GCSAML: variants seen among roughly 807,000 people sequenced by gnomAD.
GCSAML encodes the protein germinal center-associated signaling and motility-like protein.
Under a neutral mutation model 13.0 loss-of-function variants are expected in GCSAML, and 9 were observed. The observed-to-expected ratio is 0.69, with a 90% CI of 0.42 to 1.21. The LOEUF (loss-of-function observed/expected upper bound fraction) is 1.21. Ranked by LOEUF, GCSAML falls within the 50% of genes most tolerant of loss-of-function variation. GCSAML has a pLI of 0.00. For synonymous variants in GCSAML, 37 were observed against 52.9 expected (o/e 0.70, Z 1.31); for missense variants, 143 against 153.4 (o/e 0.93, Z 0.36).
intron 2 of GCSAML, chr1:247,531,973 C>T: frequency 6.2e-7 from 1 of 1,614,108 alleles, no homozygotes; most frequent in South Asian, 1.1e-5. Context: ...GGGCATCTCG[C>T]AAAAGAAGTG....
At position 247,573,919 on chromosome 1, in the gene GCSAML, G is replaced by T. The variant is rs147141016; in HGVS notation, c.169-224G>T. 8.3e-3 allele frequency among the ~76,000 whole-genome samples: 1,266 copies of T among 152,162 alleles called. 10 individuals are homozygous for T. The highest frequency in any genetic ancestry group is 0.015 in the Admixed American group (234 of 15,284). On this transcript the variant is annotated intron_variant, in intron 4 of 4. Transcript: ENST00000366488. Reference sequence around the variant, plus strand: ...AGGTCCTTCACTTCCCTTGTAAGTTGCATTCCTAGGTATTTTATTCTCTTT... The same window carrying T: ...AGGTCCTTCACTTCCCTTGTAAGTTTCATTCCTAGGTATTTTATTCTCTTT...
At chr1:247,545,018 A>G (rs1010055917), upstream of GCSAML, among the ~76,000 whole-genome samples, 9 of 152,252 alleles carry the variant, frequency 5.9e-5, no homozygotes, top group Non-Finnish European at 1.3e-4. Flanking sequence ...AAGCAATGAC[A>G]TTGAAAACAT....
rs1367916840 is a variant in GCSAML, at chr1:247,527,609, G to GC, written c.-148+556dup. On this transcript the variant is annotated intron_variant, in intron 2 of 5. Transcript: ENST00000366489. The surrounding 1 kb of genome is among the most constrained non-coding windows in gnomAD (Gnocchi z 4.6). Reference sequence around the variant, plus strand: ...AATGTTTGAAAATTTTTTTATTTTAGCTTTTAGTGGACATATAATAATTGA... The same window carrying GC: ...AATGTTTGAAAATTTTTTTATTTTAGCCTTTTAGTGGACATATAATAATTGA... The GC allele has an allele frequency of 6.6e-6, 1 of 152,376 alleles. No individual in the cohort carries two copies. Among genetic ancestry groups the GC allele is most frequent in the Non-Finnish European group, 1.5e-5 (1 of 68,230 alleles). The allele number at this position is 152,376 out of a possible 1,614,324, so 9.4% of individuals were successfully genotyped here.
chr1:247,515,157 T>C (rs912763141), intron 1 of GCSAML, among the ~76,000 whole-genome samples: 5 of 152,180 alleles, frequency 3.3e-5, no homozygotes, highest in African/African-American at 9.7e-5. Context: ...CATTTGACCA[T>C]CATAGAACTA....
intron 2 of GCSAML, chr1:247,533,539 C>T (rs965212291): frequency 6.6e-6 from 1 of 152,172 alleles, no homozygotes; most frequent in Non-Finnish European, 1.5e-5. Flanking sequence ...GACCTCCATT[C>T]CAGAGAGGTC....
intron 2 of GCSAML, among the ~76,000 whole-genome samples, chr1:247,557,910 T>C (rs538451126): frequency 1.3e-5 from 2 of 152,364 alleles, no homozygotes; most frequent in Admixed American, 6.5e-5. Flanking sequence ...GCATTTAACT[T>C]ACGCATAAAC....
chr1:247,560,388 A>C (rs760063006), intron 2 of GCSAML, among the ~76,000 whole-genome samples: 11 of 152,094 alleles, frequency 7.2e-5, no homozygotes, highest in Non-Finnish European at 1.3e-4. Context: ...AGAGTAATAC[A>C]GTTCTTGGAT....
At chr1:247,510,436 T>C (rs1665993877) in intron 1 of GCSAML, among the ~76,000 whole-genome samples, 1 of 152,168 alleles carries the variant, frequency 6.6e-6, no homozygotes. Context: ...ATCTGTTTTG[T>C]TAATCTTTTC....
rs374074268 is a variant in GCSAML, at chr1:247,531,904, G to C, written c.-148+4850G>C. The C allele has an allele frequency of 6.6e-5, 106 of 1,614,060 alleles. No homozygotes were observed. Among genetic ancestry groups the C allele is most frequent in the Non-Finnish European group, 8.8e-5 (104 of 1,180,036 alleles). ...AGGCAGGACAACAAAGACAAAGCTG[G>C]CCAGGTACATCTCCATCTCATTGAG... On this transcript the variant is annotated intron_variant, in intron 2 of 5. Transcript: ENST00000366489.
chr1:247,551,133 G>A (rs967243734), intron 1 of GCSAML, among the ~76,000 whole-genome samples: 2 of 152,184 alleles, frequency 1.3e-5, no homozygotes, highest in African/African-American at 4.8e-5. Flanking sequence ...AGGTGCTAAT[G>A]TGTTCTAGGC....
intron 2 of GCSAML, chr1:247,532,430 G>A: frequency 1.2e-6 from 2 of 1,614,014 alleles, no homozygotes; most frequent in Non-Finnish European, 1.7e-6. Flanking sequence ...ACTATGAAGA[G>A]GACAGTTTCT....
intron 4 of GCSAML, among the ~76,000 whole-genome samples, chr1:247,572,234 G>T (rs991779152): frequency 1.3e-5 from 2 of 152,172 alleles, no homozygotes; most frequent in Non-Finnish European, 1.5e-5. Flanking sequence ...GTCCAGTTTT[G>T]TTCCCTTGCT....
chr1:247,526,842 T>C lies in GCSAML; in HGVS notation c.-262-98T>C. ...ATCGAAAGACAAGTGGTGTCCAATA[T>C]GGCATGTTAGCATTTTCCTCTTCAT... On this transcript the variant is annotated intron_variant, in intron 1 of 5. Transcript: ENST00000366489. This position sits in a 1 kb window ranked among gnomAD's most constrained non-coding sequence, Gnocchi z 4.8. 2 of 394,552 alleles carry C rather than the reference T, an allele frequency of 5.1e-6. No individual in the cohort carries two copies. The allele number at this position is 394,552 out of a possible 1,614,324, so 24.4% of individuals were successfully genotyped here. A position where few individuals can be genotyped will look rare whatever the true frequency, so the allele number is the denominator to read the frequency against.
chr1:247,525,846 T>G (rs926178576), intron 1 of GCSAML: 1 of 152,242 alleles, frequency 6.6e-6, no homozygotes, highest in Non-Finnish European at 1.5e-5. Context: ...TGAAGCTACG[T>G]AGGGACTACT....
intron 3 of GCSAML, chr1:247,565,723 C>T: frequency 1.9e-6 from 1 of 526,620 alleles, no homozygotes; most frequent in East Asian, 3.4e-5. Context: ...TATCTCAGAA[C>T]ACATGTTCTT....
At chr1:247,555,527 C>T (rs1667918096) in intron 1 of GCSAML, among the ~76,000 whole-genome samples, 1 of 152,158 alleles carries the variant, frequency 6.6e-6, no homozygotes, top group South Asian at 2.1e-4. Flanking sequence ...TGATATCTAG[C>T]AATGTTTCTT....
chr1:247,532,660 C>T, intron 2 of GCSAML: 3 of 746,298 alleles, frequency 4.0e-6, no homozygotes, highest in Non-Finnish European at 4.2e-6. Flanking sequence ...CACAATTTCA[C>T]TGTGTTGCCC....
intron 1 of GCSAML, among the ~76,000 whole-genome samples, chr1:247,549,446 T>C (rs982799775): frequency 1.3e-5 from 2 of 152,178 alleles, no homozygotes; most frequent in Admixed American, 6.5e-5. Context: ...TACTGGATGC[T>C]AAGTCACATT....
intron 4 of GCSAML, among the ~76,000 whole-genome samples, chr1:247,566,975 A>G (rs2103065753): frequency 6.6e-6 from 1 of 151,932 alleles, no homozygotes; most frequent in South Asian, 2.1e-4. Context: ...TTTTCCCTGG[A>G]TAGTTAGAGG....
Sources: allele counts gnomAD v4.1 joint callset (sites outside exome capture counted in the v4.1 genomes callset), GRCh38; gene constraint gnomAD v4.1.1; non-coding constraint Gnocchi (gnomAD v3.1); transcripts MANE v1.5; gene names NCBI Gene and HGNC (gene_info 2026-07-23, HGNC 2026-07-21).